The following SNX13 variants were observed in gnomAD, a reference collection of about 807,000 sequenced individuals.
The protein encoded by SNX13 is sorting nexin 13.
In SNX13, 45 loss-of-function variants were observed where a neutral mutation model predicts 133.6. The observed-to-expected ratio is 0.34, with a 90% CI of 0.27 to 0.43. SNX13 has a LOEUF of 0.43. Ranked by LOEUF, SNX13 falls within the 20% of genes least tolerant of loss-of-function variation. SNX13 has a pLI of 1.00. For missense variants in SNX13, 1,032 were observed against 1,145.1 expected (o/e 0.90, Z 1.43); for synonymous variants, 414 against 373.9 (o/e 1.11, Z -1.24).
At chr7:17,872,290 G>C (rs10228026) in intron 8 of SNX13, among the ~76,000 whole-genome samples, 3,246 of 152,220 alleles carry the variant, frequency 0.021, 126 homozygotes, top group African/African-American at 0.073. Context: ...TGAGACCAGT[G>C]ACATGAAAGA....
intron 16 of SNX13, among the ~76,000 whole-genome samples, chr7:17,829,564 G>A (rs1315214507): frequency 1.3e-5 from 2 of 150,724 alleles, no homozygotes; most frequent in Admixed American, 1.3e-4. Flanking sequence ...TAGACTTAAA[G>A]AAATATCTAT....
intron 1 of SNX13, among the ~76,000 whole-genome samples, chr7:17,931,434 T>C (rs1026719917): frequency 6.6e-5 from 10 of 152,212 alleles, no homozygotes; most frequent in Admixed American, 2.0e-4. Flanking sequence ...ACAACTTCAG[T>C]TTTATAATTT....
intron 5 of SNX13, chr7:17,880,100 G>C (rs752824094): frequency 1.4e-4 from 21 of 152,116 alleles, no homozygotes; most frequent in Non-Finnish European, 2.8e-4. Flanking sequence ...CTTTTTCTTT[G>C]GTTAAGGCTC....
chr7:17,885,653 C>T (rs73310107), intron 5 of SNX13, among the ~76,000 whole-genome samples: 3,246 of 152,224 alleles, frequency 0.021, 127 homozygotes, highest in African/African-American at 0.073. Flanking sequence ...TGTGGTGAAA[C>T]CCCGTCTCTA....
rs181702011 is a variant in SNX13, at chr7:17,802,110, G to C, written c.2227-451C>G. Reference sequence around the variant, plus strand: ...TGTGTTAAAATGCCTACAGTATTCAGTACAGTAGCATACTGTAAAGGTTAG... The same window carrying C: ...TGTGTTAAAATGCCTACAGTATTCACTACAGTAGCATACTGTAAAGGTTAG... On this transcript the variant is annotated intron_variant, in intron 21 of 25. Coordinates refer to ENST00000428135, the MANE Select transcript of SNX13 (RefSeq NM_015132.5). Among the ~76,000 whole-genome samples the C allele has an allele frequency of 2.8e-3, 430 of 152,126 alleles. 12 individuals carry two copies. Among genetic ancestry groups the C allele is most frequent in the Admixed American group, 0.025 (389 of 15,274 alleles).
intron 1 of SNX13, among the ~76,000 whole-genome samples, chr7:17,912,546 G>A (rs568665439): frequency 6.6e-6 from 1 of 152,010 alleles, no homozygotes; most frequent in African/African-American, 2.4e-5. Context: ...GAGTAGCTGG[G>A]ATTACAGGCG....
At chr7:17,935,090 G>C (rs1414252618) in intron 1 of SNX13, among the ~76,000 whole-genome samples, 3 of 152,152 alleles carry the variant, frequency 2.0e-5, no homozygotes, top group African/African-American at 7.2e-5. Context: ...AGCAGCATTA[G>C]TCACAAAATC....
At chr7:17,822,875 G>C (rs1787459016) in intron 17 of SNX13, among the ~76,000 whole-genome samples, 1 of 152,170 alleles carries the variant, frequency 6.6e-6, no homozygotes, top group Admixed American at 6.5e-5. Context: ...GCTAAATCCA[G>C]ACATACTCAG....
chr7:17,904,446 C>T (rs186565815), intron 1 of SNX13, among the ~76,000 whole-genome samples: 4 of 152,204 alleles, frequency 2.6e-5, no homozygotes, highest in Admixed American at 2.6e-4. Context: ...GTTATCAGTG[C>T]TTAATTCAGC....
At chr7:17,860,541 AAATCATAATCAAATCT>A (rs1792549146) in intron 9 of SNX13, among the ~76,000 whole-genome samples, 1 of 152,204 alleles carries the variant, frequency 6.6e-6, no homozygotes, top group African/African-American at 2.4e-5. Context: ...CATATCAAAT[AAATCATAATCAAATCT>A]AAGAAGCTCT....
intron 13 of SNX13, 91 bp downstream of exon 13, chr7:17,839,716 T>C (rs1161009945): frequency 7.1e-6 from 7 of 983,430 alleles, no homozygotes; most frequent in Non-Finnish European, 1.0e-5. Flanking sequence ...GACAATGTTT[T>C]CGAGGTAGTC....
At chr7:17,890,700 C>T (rs1261519321) in intron 4 of SNX13, among the ~76,000 whole-genome samples, 1 of 151,452 alleles carries the variant, frequency 6.6e-6, no homozygotes, top group Non-Finnish European at 1.5e-5. Flanking sequence ...TTACCTACTG[C>T]CTAGATTTAA....
chr7:17,870,867 T>C lies in SNX13; in HGVS notation c.754-2377A>G, dbSNP rs1046779098. Among the ~76,000 whole-genome samples the C allele has an allele frequency of 9.2e-5, 14 of 152,200 alleles. 1 individual carries two copies. Among genetic ancestry groups the C allele is most frequent in the African/African-American group, 3.1e-4 (13 of 41,438 alleles). ...GCTATGAAGGAAAACAATTGGATAC[T>C]ATCCATAATAACAGGGAATTATGAG... On this transcript the variant is annotated intron_variant, in intron 8 of 25. Coordinates refer to ENST00000428135, the MANE Select transcript of SNX13 (RefSeq NM_015132.5).
intron 1 of SNX13, among the ~76,000 whole-genome samples, chr7:17,902,214 C>T (rs996437403): frequency 7.1e-6 from 1 of 140,416 alleles, no homozygotes; most frequent in African/African-American, 2.6e-5. Flanking sequence ...GATAATTTAA[C>T]AGTGAAAAAA....
intron 11 of SNX13, among the ~76,000 whole-genome samples, chr7:17,847,325 TTTTG>T (rs139845517): frequency 0.023 from 3,519 of 152,202 alleles, 139 homozygotes; most frequent in African/African-American, 0.078. Flanking sequence ...TTAAGGGTTT[TTTTG>T]TTTGTTTGTT....
intron 1 of SNX13, among the ~76,000 whole-genome samples, chr7:17,913,754 CAAAAACAAAAAAAA>C (rs1258063961): frequency 1.1e-5 from 1 of 87,274 alleles, no homozygotes; most frequent in Non-Finnish European, 2.4e-5. Flanking sequence ...AGCAAATTAA[CAAAAACAAAAAAAA>C]AAAAAAAAAA....
chr7:17,852,678 T>A (rs1414654690), intron 9 of SNX13, among the ~76,000 whole-genome samples: 1 of 152,172 alleles, frequency 6.6e-6, no homozygotes, highest in Non-Finnish European at 1.5e-5. Context: ...TTCATCTTCT[T>A]TTTAAGATGA....
chr7:17,861,035 T>C (rs1345932398), intron 9 of SNX13, among the ~76,000 whole-genome samples: 1 of 152,040 alleles, frequency 6.6e-6, no homozygotes, highest in Non-Finnish European at 1.5e-5. Flanking sequence ...CTTTTTTTTG[T>C]GATGGGGTCT....
At chr7:17,897,628 A>G (rs1245435286) in intron 1 of SNX13, among the ~76,000 whole-genome samples, 182 bp from the exon 2 acceptor site, 1 of 152,132 alleles carries the variant, frequency 6.6e-6, no homozygotes, top group Non-Finnish European at 1.5e-5. Context: ...ACAATATACA[A>G]AATTTATATG....
Sources: allele counts gnomAD v4.1 joint callset (sites outside exome capture counted in the v4.1 genomes callset), GRCh38; gene constraint gnomAD v4.1.1; transcripts MANE v1.5; gene names NCBI Gene and HGNC (gene_info 2026-07-23, HGNC 2026-07-21).